CCND3: variants seen among roughly 807,000 people sequenced by gnomAD.
CCND3 encodes the protein G1/S-specific cyclin-D3.
In CCND3, 9 loss-of-function variants were observed where a neutral mutation model predicts 28.7. That is an observed-to-expected ratio of 0.31 (90% CI 0.19 to 0.55). The LOEUF (loss-of-function observed/expected upper bound fraction) is 0.55. CCND3 is among the 20% of genes least tolerant of loss of function. The pLI, the probability that CCND3 is intolerant of heterozygous loss-of-function variation, is 0.93. For missense variants in CCND3, 315 were observed against 385.8 expected, an observed-to-expected ratio of 0.82 and a Z score of 1.54; for synonymous variants, 164 against 163.9, an observed-to-expected ratio of 1.00 and a Z score of 0.00.
At chr6:42,036,095 C>G (rs1001846601) in intron 1 of CCND3, among the ~76,000 whole-genome samples, 2 of 149,794 alleles carry the variant, frequency 1.3e-5, no homozygotes, top group South Asian at 2.1e-4. Context: ...CGGGTTCAAG[C>G]GATTCTGCTG....
intron 1 of CCND3, among the ~76,000 whole-genome samples, chr6:42,000,129 T>A (rs540479829): frequency 7.6e-4 from 115 of 150,542 alleles, no homozygotes; most frequent in Admixed American, 3.5e-3. Context: ...ATAAAGCAAG[T>A]CTCAAAAACA....
intron 1 of CCND3, among the ~76,000 whole-genome samples, chr6:42,004,330 C>T (rs1763117600): frequency 1.3e-5 from 2 of 151,588 alleles, no homozygotes; most frequent in Admixed American, 1.3e-4. Flanking sequence ...CAACTTAGTG[C>T]CAATAAATTT....
At chr6:41,983,825 A>C (rs564169383) in intron 1 of CCND3, among the ~76,000 whole-genome samples, 1 of 152,070 alleles carries the variant, frequency 6.6e-6, no homozygotes, top group Non-Finnish European at 1.5e-5. Flanking sequence ...AGCCTGGGTA[A>C]CAAAGTGAGA....
intron 1 of CCND3, among the ~76,000 whole-genome samples, chr6:42,000,494 C>T (rs1176738432): frequency 6.7e-6 from 1 of 149,062 alleles, no homozygotes; most frequent in African/African-American, 2.5e-5. Flanking sequence ...TCCCAAAGTG[C>T]TGGGATTATA....
intron 1 of CCND3, among the ~76,000 whole-genome samples, chr6:42,028,351 G>A (rs1334547363): frequency 1.3e-4 from 20 of 152,286 alleles, no homozygotes; most frequent in Admixed American, 9.2e-4. Flanking sequence ...GAGTGGGTTC[G>A]GCGATGGCCA....
chr6:41,968,933 G>C (rs1280937662), intron 1 of CCND3, among the ~76,000 whole-genome samples: 3 of 152,058 alleles, frequency 2.0e-5, no homozygotes, highest in Admixed American at 1.3e-4. Context: ...AGCCTCCTGA[G>C]TAGCTGGGAT....
At chr6:41,937,518 TG>T in intron 2 of CCND3, 124 bp from the exon 3 acceptor site, 1 of 1,154,476 alleles carries the variant, frequency 8.7e-7, no homozygotes, top group East Asian at 2.5e-5. Context: ...ACCCCAGTTC[TG>T]TTTCTGATTT....
rs897730433 is a variant in CCND3 at position 42,018,859 on chromosome 6, C to T, written c.-46+29642G>A. Among the ~76,000 whole-genome samples, 12 of 149,374 alleles carry T rather than the reference C, an allele frequency of 8.0e-5. No homozygotes were observed. The South Asian group carries it at 2.5e-3, about 31-fold the overall frequency. The stretch of plus-strand genomic sequence containing the variant: ...TGAGCCGAGATCGTGCCATTGTACT[C>T]CAGCCTGGGCAGCAAGAGCGAAACT... On this transcript the variant is annotated intron_variant, in intron 1 of 4. Transcript: ENST00000372988.
In CCND3 at chr6:41,979,038, G is replaced by T. The variant is rs946232914; in HGVS notation, c.-45-38453C>A. On this transcript the variant is annotated intron_variant, in intron 1 of 4. Transcript: ENST00000372988. ...AATACAAAATTAGCTGGGTGTGGTA[G>T]TGCATGCCTGTAATCCGAGCTACTT... Among the ~76,000 whole-genome samples the T allele has an allele frequency of 3.3e-5, 5 of 151,862 alleles. No individual in the cohort carries two copies. The East Asian group carries it at 7.7e-4, about 23-fold the overall frequency.
At chr6:41,980,699 T>C (rs1033905147) in intron 1 of CCND3, among the ~76,000 whole-genome samples, 1 of 152,196 alleles carries the variant, frequency 6.6e-6, no homozygotes, top group African/African-American at 2.4e-5. Context: ...AAGTGGGATA[T>C]AGCTCAGGTA....
chr6:42,005,540 CAAAAAAAAA>C (rs58659355), intron 1 of CCND3, among the ~76,000 whole-genome samples: 1 of 62,840 alleles, frequency 1.6e-5, no homozygotes, highest in African/African-American at 6.1e-5. Context: ...GACCCTGTCT[CAAAAAAAAA>C]AAAAAAAAAA....
chr6:41,935,369 A>G lies in CCND3; in HGVS notation c.*571T>C. 4.2e-6 allele frequency: 1 copy of G among 237,474 alleles called. No homozygotes were observed. The highest frequency in any genetic ancestry group is 6.0e-5 in the East Asian group (1 of 16,654). 14.7% of individuals were successfully genotyped at this position (237,474 alleles called of 1,614,324 possible). A position where few individuals can be genotyped will look rare whatever the true frequency, so the allele number is the denominator to read the frequency against. On this transcript the variant is annotated 3_prime_UTR_variant, in exon 5 of 5. Coordinates refer to ENST00000372991, the MANE Select transcript of CCND3 (RefSeq NM_001760.5). ...GGAGAAGCTGAGCAGAAAGCAAAGC[A>G]AAGAGGAATTTATAGCTTCTCTGGC...
intron 1 of CCND3, among the ~76,000 whole-genome samples, chr6:41,986,591 T>C (rs1405231121): frequency 8.4e-5 from 3 of 35,748 alleles, no homozygotes; most frequent in Non-Finnish European, 1.1e-4. Context: ...TGTTAGTGTA[T>C]AGAAATGTTA....
chr6:42,048,886 G>T lies in CCND3; in HGVS notation c.-431C>A, dbSNP rs1675455035. On this transcript the variant is annotated 5_prime_UTR_variant, in exon 1 of 5. Transcript: ENST00000372988. This position sits in a 1 kb window ranked among gnomAD's most constrained non-coding sequence, Gnocchi z 4.7. ...CCCGCCCGCAGCCCCCGCCCCACGC[G>T]GCATAGGTGCGGGGGCGGGGCGCCA... 1 of 292,688 alleles carries T rather than the reference G, an allele frequency of 3.4e-6. No homozygotes were observed. Among genetic ancestry groups the T allele is most frequent in the Non-Finnish European group, 6.5e-6 (1 of 153,724 alleles). The allele number at this position is 292,688 out of a possible 1,614,324, so 18.1% of individuals were successfully genotyped here.
intron 1 of CCND3, chr6:41,940,932 A>G (rs1165333813): frequency 1.7e-5 from 27 of 1,605,260 alleles, no homozygotes; most frequent in Non-Finnish European, 2.3e-5. Context: ...CACCCCCATC[A>G]CCGCCACCAC....
At chr6:41,977,110 C>T (rs923370851) in intron 1 of CCND3, among the ~76,000 whole-genome samples, 1 of 152,176 alleles carries the variant, frequency 6.6e-6, no homozygotes, top group African/African-American at 2.4e-5. Context: ...GAGAGAATCT[C>T]AGGGTCAGAA....
intron 1 of CCND3, among the ~76,000 whole-genome samples, chr6:42,031,663 C>T (rs1041785232): frequency 2.0e-5 from 3 of 152,132 alleles, no homozygotes; most frequent in Non-Finnish European, 4.4e-5. Flanking sequence ...GAAATAACCA[C>T]TGTTAACACT....
chr6:41,940,436 G>A lies in CCND3; in HGVS notation c.348C>T (p.Thr116=), dbSNP rs1283119603. 1 of 1,614,138 alleles carries A rather than the reference G, an allele frequency of 6.2e-7. No individual in the cohort carries two copies. Residue 116 remains threonine (T), a synonymous_variant, in exon 2 of 5, where the codon ACC becomes ACT. Coordinates refer to ENST00000372991, the MANE Select transcript of CCND3 (RefSeq NM_001760.5). ...ACAGTTTTTCGATGGTCAGGGGCGT[G>A]GTCTCGCGCAGCTTGGAGGCCAGCA... ...CMLLASKLRE[T]TPLTIEKLCI...
intron 2 of CCND3, 46 bp from the exon 3 acceptor site, chr6:41,937,440 G>A: frequency 6.2e-7 from 1 of 1,609,230 alleles, no homozygotes; most frequent in Non-Finnish European, 8.5e-7. Flanking sequence ...GAGAAGTGAA[G>A]AGGAGGGAGC....
Sources: allele counts gnomAD v4.1 joint callset (sites outside exome capture counted in the v4.1 genomes callset), GRCh38; gene constraint gnomAD v4.1.1; non-coding constraint Gnocchi (gnomAD v3.1); transcripts MANE v1.5; gene names NCBI Gene and HGNC (gene_info 2026-07-23, HGNC 2026-07-21).